The following RHOF variants were observed in gnomAD, a reference collection of about 807,000 sequenced individuals.
RHOF encodes rho-related GTP-binding protein RhoF.
In RHOF, 21 loss-of-function variants were observed where a neutral mutation model predicts 22.2. The observed-to-expected ratio is 0.95, with a 90% CI of 0.67 to 1.36. RHOF has a LOEUF of 1.36. RHOF is among the 40% of genes most tolerant of loss of function. The probability of loss-of-function intolerance (pLI) is 0.00; values close to 1 mark genes in which losing one functional copy is unlikely to be tolerated. For synonymous variants in RHOF, 135 were observed against 131.2 expected, an observed-to-expected ratio of 1.03 and a Z score of -0.20; for missense variants, 285 against 293.7, an observed-to-expected ratio of 0.97 and a Z score of 0.22.
intron 4 of RHOF, 78 bp from the exon 5 acceptor site, chr12:121,779,740 G>T: frequency 2.0e-6 from 3 of 1,493,692 alleles, no homozygotes; most frequent in Non-Finnish European, 1.8e-6. Flanking sequence ...TTTGGGACTG[G>T]CTCTGAGGAC....
intron 2 of RHOF, among the ~76,000 whole-genome samples, chr12:121,789,694 T>C (rs1040142889): frequency 6.6e-6 from 1 of 152,178 alleles, no homozygotes; most frequent in Admixed American, 6.5e-5. Flanking sequence ...TGAGACCACC[T>C]TCTGGGTGAC....
Position 121,781,173 on chromosome 12 carries a change from C to T in RHOF, c.246G>A (p.Arg82=). The change falls in exon 3 of 5, where the codon CGG becomes CGA. Residue 82 remains arginine (R), a synonymous_variant. Coordinates refer to ENST00000267205, the MANE Select transcript of RHOF (RefSeq NM_019034.3). ...TGTTCTGGTAGGACAGGGGCCGCAG[C>T]CGGTCATAGTCTTCTTGCCCTGAAA... The part of the protein sequence containing the change: ...YDTAGQEDYD[R]LRPLSYQNTH... 6.2e-7 allele frequency: 1 copy of T among 1,614,198 alleles called. No homozygotes were observed. Among genetic ancestry groups the T allele is most frequent in the Non-Finnish European group, 8.5e-7 (1 of 1,180,024 alleles).
Position 121,780,959 on chromosome 12 carries a change from G to A in RHOF, c.384C>T (p.Leu128=). 1 of 1,614,116 alleles carries A rather than the reference G, an allele frequency of 6.2e-7. No individual in the cohort carries two copies. The highest frequency in any genetic ancestry group is 1.1e-5 in the South Asian group (1 of 91,082). Residue 128 remains leucine (L), a synonymous_variant, in exon 4 of 5, where the codon CTC becomes CTT. Coordinates refer to ENST00000267205, the MANE Select transcript of RHOF (RefSeq NM_019034.3). ...THFCRGIPMV[L]IGCKTDLRKD... ...TCCTCAGGTCTGTCTTGCAGCCGAT[G>A]AGCACCATGGGGATCCCGCGGCAGA...
rs1417886433 is a variant in RHOF, at chr12:121,779,388, GCCCCA to G, written c.*105_*109del. ...GAATGTTCCAAGAGTCTAGCCGCAG[GCCCCA>G]GACACCATGAGCTGGAGGGTCGGGA... On this transcript the variant is annotated 3_prime_UTR_variant, in exon 5 of 5. Coordinates refer to ENST00000267205, the MANE Select transcript of RHOF (RefSeq NM_019034.3). 4.8e-5 allele frequency: 56 copies of G among 1,175,194 alleles called. No individual in the cohort carries two copies. In the East Asian group the frequency reaches 1.2e-3, roughly 26 times the overall value. 72.8% of individuals were successfully genotyped at this position (1,175,194 alleles called of 1,614,324 possible).
At position 121,793,592 on chromosome 12, in the gene RHOF, A is replaced by C; in HGVS notation, c.42T>G (p.Gly14=). Residue 14 remains glycine, a synonymous_variant, in exon 1 of 5, where the codon GGT becomes GGG. Transcript: ENST00000267205. ...PGALAQTAAP[G]PGRKELKIVI... is the part of the protein sequence containing the mutation. Reference sequence around the variant, plus strand: ...CGATCTTCAGCTCCTTCCTGCCCGGACCGGGGGCGGCGGTCTGGGCCAGGG... The same window carrying C: ...CGATCTTCAGCTCCTTCCTGCCCGGCCCGGGGGCGGCGGTCTGGGCCAGGG... 6.4e-7 allele frequency: 1 copy of C among 1,552,176 alleles called. No individual in the cohort carries two copies. The highest frequency in any genetic ancestry group is 8.7e-7 in the Non-Finnish European group (1 of 1,153,538).
chr12:121,783,570 C>T (rs1874531380), intron 2 of RHOF, among the ~76,000 whole-genome samples: 1 of 152,158 alleles, frequency 6.6e-6, no homozygotes, highest in Non-Finnish European at 1.5e-5. Context: ...GCAACCTACA[C>T]CTCCCAGGTT....
At chr12:121,787,467 C>T (rs1039538539) in intron 2 of RHOF, among the ~76,000 whole-genome samples, 4 of 152,246 alleles carry the variant, frequency 2.6e-5, no homozygotes, top group African/African-American at 9.6e-5. Flanking sequence ...TTCCAGGAAG[C>T]TGTCCCCAGC....
In RHOF at chr12:121,778,786, C is replaced by G. The variant is rs1874333911; in HGVS notation, c.*712G>C. On this transcript the variant is annotated 3_prime_UTR_variant, in exon 5 of 5. Coordinates refer to ENST00000267205, the MANE Select transcript of RHOF (RefSeq NM_019034.3). ...ACTGGGAGCCGACTGTTCTTCCCAT[C>G]CCAAGTCTCTGACACTGGGGGCTTT... 6.6e-6 allele frequency: 1 copy of G among 152,358 alleles called. No individual in the cohort carries two copies. The highest frequency in any genetic ancestry group is 6.5e-5 in the Admixed American group (1 of 15,284). The allele number at this position is 152,358 out of a possible 1,614,324, so 9.4% of individuals were successfully genotyped here.
At chr12:121,787,301 C>G (rs561280602) in intron 2 of RHOF, among the ~76,000 whole-genome samples, 1 of 152,272 alleles carries the variant, frequency 6.6e-6, no homozygotes, top group Admixed American at 6.5e-5. Flanking sequence ...AAGCAGCCAC[C>G]CTGGGAGGTG....
chr12:121,793,564 T>A lies in RHOF; in HGVS notation c.70A>T (p.Ile24Phe). 1 of 1,552,202 alleles carries A rather than the reference T, an allele frequency of 6.4e-7. No individual in the cohort carries two copies. The highest frequency in any genetic ancestry group is 1.4e-5 in the African/African-American group (1 of 73,666). ...GPGRKELKIV[I>F]VGDGGCGKTS... ...TTGCCGCAGCCGCCGTCGCCCACGATCACGATCTTCAGCTCCTTCCTGCCC... is the reference window on the plus strand; with the variant it reads ...TTGCCGCAGCCGCCGTCGCCCACGAACACGATCTTCAGCTCCTTCCTGCCC... The change falls in exon 1 of 5, where the codon ATC (isoleucine) becomes TTC (phenylalanine). Residue 24 changes from isoleucine to phenylalanine, a missense_variant. Physicochemically the swap from Ile to Phe is conservative, Grantham distance 21 (BLOSUM62 0). Transcript: ENST00000267205.
At position 121,780,624 on chromosome 12, in the gene RHOF, G is replaced by A. The variant is rs1049555239; in HGVS notation, c.471+248C>T. 26 of 569,774 alleles carry A rather than the reference G, an allele frequency of 4.6e-5. No homozygotes were observed. In the Middle Eastern group the frequency reaches 7.9e-4, roughly 17 times the overall value. 35.3% of individuals were successfully genotyped at this position (569,774 alleles called of 1,614,324 possible). ...CTGGGCAAGCTGCTTAACCTCTCTG[G>A]GCCTCAGTTTCTCCCCCTGTAAACT... On this transcript the variant is annotated intron_variant, in intron 4 of 4. Transcript: ENST00000267205.
rs769369334 is a variant in RHOF at position 121,780,947 on chromosome 12, C to T, written c.396G>A (p.Lys132=). 3 of 1,613,938 alleles carry T rather than the reference C, an allele frequency of 1.9e-6. No individual in the cohort carries two copies. The highest frequency in any genetic ancestry group is 1.7e-6 in the Non-Finnish European group (2 of 1,179,988). The part of the protein sequence containing the change: ...RGIPMVLIGC[K]TDLRKDKEQL... ...GCTCCTTGTCCTTCCTCAGGTCTGT[C>T]TTGCAGCCGATGAGCACCATGGGGA... The change falls in exon 4 of 5, where the codon AAG becomes AAA. Residue 132 remains lysine, a synonymous_variant. Transcript: ENST00000267205.
intron 2 of RHOF, among the ~76,000 whole-genome samples, chr12:121,786,082 A>T (rs1463347164): frequency 6.9e-6 from 1 of 145,714 alleles, no homozygotes; most frequent in African/African-American, 2.5e-5. Flanking sequence ...CGCCCGGCTA[A>T]TTTTTTTTTT....
chr12:121,781,121 C>T lies in RHOF; in HGVS notation c.298G>A (p.Val100Ile), dbSNP rs773236803. The change falls in exon 3 of 5, where the codon GTC becomes ATC. Residue 100 changes from valine to isoleucine, a missense_variant. By Grantham distance (29) the Val-to-Ile change is conservative. Coordinates refer to ENST00000267205, the MANE Select transcript of RHOF (RefSeq NM_019034.3). ...NTHLVLICYDVMNPTSYDNVL... is the reference protein window; with the variant it reads ...NTHLVLICYDIMNPTSYDNVL... ...TTGTCGTAGCTGGTGGGATTCATGA[C>T]GTCATAGCAGATGAGCACGAGGTGG... is the stretch of plus-strand genomic sequence containing the variant. The T allele has an allele frequency of 2.0e-5, 32 of 1,614,096 alleles. No individual in the cohort carries two copies. Among genetic ancestry groups the T allele is most frequent in the East Asian group, 8.9e-5 (4 of 44,898 alleles).
At chr12:121,785,422 CTTTTT>C (rs758984066) in intron 2 of RHOF, among the ~76,000 whole-genome samples, 2 of 86,158 alleles carry the variant, frequency 2.3e-5, no homozygotes, top group South Asian at 3.0e-4. Flanking sequence ...TTTTTCTTTA[CTTTTT>C]TTTTTTTTTT....
intron 2 of RHOF, among the ~76,000 whole-genome samples, chr12:121,785,896 G>A (rs1031685325): frequency 2.0e-5 from 3 of 149,730 alleles, no homozygotes; most frequent in African/African-American, 5.0e-5. Flanking sequence ...ACAGGTGTGA[G>A]CCACGTGCCC....
chr12:121,781,134 G>C lies in RHOF; in HGVS notation c.285C>G (p.Leu95=). 1 of 1,614,236 alleles carries C rather than the reference G, an allele frequency of 6.2e-7. No individual in the cohort carries two copies. ...PLSYQNTHLV[L]ICYDVMNPTS... ...TGGGATTCATGACGTCATAGCAGAT[G>C]AGCACGAGGTGGGTGTTCTGGTAGG... The change falls in exon 3 of 5, where the codon CTC becomes CTG. Residue 95 remains leucine (L), a synonymous_variant. Transcript: ENST00000267205.
chr12:121,785,714 G>A (rs984829834), intron 2 of RHOF, among the ~76,000 whole-genome samples: 2 of 151,830 alleles, frequency 1.3e-5, no homozygotes, highest in Non-Finnish European at 2.9e-5. Flanking sequence ...GGGTTCAAGC[G>A]ATTCTCCTGC....
At position 121,793,639 on chromosome 12, in the gene RHOF, G is replaced by T; in HGVS notation, c.-6C>A. 2 of 1,533,046 alleles carry T rather than the reference G, an allele frequency of 1.3e-6. No individual in the cohort carries two copies. Among genetic ancestry groups the T allele is most frequent in the African/African-American group, 1.4e-5 (1 of 72,206 alleles). 95.0% of individuals were successfully genotyped at this position (1,533,046 alleles called of 1,614,324 possible). ...AGGGCCCCGGGGGCATCCATTGCCC[G>T]GAGCCCGCAGCACTGGCGGCGGCGC... On this transcript the variant is annotated 5_prime_UTR_variant, in exon 1 of 5. Coordinates refer to ENST00000267205, the MANE Select transcript of RHOF (RefSeq NM_019034.3).
Sources: allele counts gnomAD v4.1 joint callset (sites outside exome capture counted in the v4.1 genomes callset), GRCh38; gene constraint gnomAD v4.1.1; transcripts MANE v1.5; gene names NCBI Gene and HGNC (gene_info 2026-07-23, HGNC 2026-07-21).